LRMDA: variants seen among roughly 807,000 people sequenced by gnomAD.
LRMDA encodes leucine-rich melanocyte differentiation-associated protein.
Under a neutral mutation model 29.8 loss-of-function variants are expected in LRMDA, and 18 were observed. The ratio of observed to expected loss-of-function variants is 0.60; its 90% CI spans 0.42 to 0.90. The LOEUF (loss-of-function observed/expected upper bound fraction) is 0.90, where lower values mean the gene tolerates loss of function less well. Ranked by LOEUF, LRMDA falls within the 40% of genes least tolerant of loss-of-function variation. LRMDA has a pLI of 0.00. For synonymous variants in LRMDA, 125 were observed against 109.4 expected (o/e 1.14, Z -0.89); for missense variants, 273 against 273.9 (o/e 1.00, Z 0.02).
At chr10:76,309,268 T>G (rs1025594457) in intron 5 of LRMDA, among the ~76,000 whole-genome samples, 2 of 152,084 alleles carry the variant, frequency 1.3e-5, no homozygotes, top group Non-Finnish European at 2.9e-5. Flanking sequence ...ACCTTTCTGA[T>G]GAGGGTGTGA....
intron 6 of LRMDA, among the ~76,000 whole-genome samples, chr10:76,395,391 C>T (rs988683381): frequency 6.6e-6 from 1 of 152,132 alleles, no homozygotes; most frequent in Admixed American, 6.6e-5. Context: ...GTTTAGCAGA[C>T]AATTGTAGTC....
chr10:75,776,885 T>C (rs554485575), intron 2 of LRMDA, among the ~76,000 whole-genome samples: 1 of 152,360 alleles, frequency 6.6e-6, no homozygotes, highest in African/African-American at 2.4e-5. Flanking sequence ...CCCTGCTCTT[T>C]GTTGTAGATC....
intron 2 of LRMDA, among the ~76,000 whole-genome samples, chr10:75,536,454 A>G (rs1409050078): frequency 6.6e-6 from 1 of 152,108 alleles, no homozygotes; most frequent in Non-Finnish European, 1.5e-5. Flanking sequence ...CACAGCTCAC[A>G]TGACTCTACT....
intron 6 of LRMDA, among the ~76,000 whole-genome samples, chr10:76,440,344 A>T (rs1842288525): frequency 6.6e-6 from 1 of 152,230 alleles, no homozygotes; most frequent in Non-Finnish European, 1.5e-5. Context: ...AAATGGCCAA[A>T]TAAATAATCT....
chr10:76,402,323 A>T (rs1312159961), intron 6 of LRMDA: 4 of 152,114 alleles, frequency 2.6e-5, no homozygotes, highest in African/African-American at 9.7e-5. Flanking sequence ...GCATTTACTA[A>T]GGTAAGATGA....
At chr10:75,868,771 C>T (rs560710563) in intron 2 of LRMDA, among the ~76,000 whole-genome samples, 14 of 152,166 alleles carry the variant, frequency 9.2e-5, no homozygotes, top group South Asian at 2.1e-4. Flanking sequence ...CAGAAAGCCC[C>T]GCCCTCCTCT....
At chr10:76,363,180 G>GAAAGAAA (rs1841340917) in intron 6 of LRMDA, among the ~76,000 whole-genome samples, 1 of 10,870 alleles carries the variant, frequency 9.2e-5, no homozygotes, top group East Asian at 1.2e-3. Context: ...AAAGAAAGGA[G>GAAAGAAA]GGAGGGAGGG....
intron 6 of LRMDA, among the ~76,000 whole-genome samples, chr10:76,511,438 A>G (rs1313643947): frequency 6.6e-6 from 1 of 152,198 alleles, no homozygotes; most frequent in African/African-American, 2.4e-5. Flanking sequence ...GAAAGCTGTC[A>G]GCAGCCAGAT....
chr10:75,513,535 A>C (rs1179331782), intron 2 of LRMDA, among the ~76,000 whole-genome samples: 1 of 152,140 alleles, frequency 6.6e-6, no homozygotes, highest in African/African-American at 2.4e-5. Context: ...AAAACAATGC[A>C]CAATGTATTC....
At chr10:75,515,713 T>A (rs933548685) in intron 2 of LRMDA, among the ~76,000 whole-genome samples, 7 of 152,256 alleles carry the variant, frequency 4.6e-5, no homozygotes, top group South Asian at 4.1e-4. Context: ...TCTTTTTTTT[T>A]AAATTATACT....
At chr10:76,541,239 G>A (rs554239063) in intron 6 of LRMDA, among the ~76,000 whole-genome samples, 4 of 152,262 alleles carry the variant, frequency 2.6e-5, no homozygotes, top group Middle Eastern at 3.4e-3. Flanking sequence ...GCTGGCTCAC[G>A]CCTGTAATCC....
At chr10:75,999,225 T>G (rs999106952) in intron 2 of LRMDA, among the ~76,000 whole-genome samples, 4 of 152,218 alleles carry the variant, frequency 2.6e-5, no homozygotes, top group Non-Finnish European at 5.9e-5. Flanking sequence ...CTGACAATTT[T>G]GGCACAAGGA....
At chr10:76,488,804 G>C (rs1842806497) in intron 6 of LRMDA, among the ~76,000 whole-genome samples, 1 of 151,848 alleles carries the variant, frequency 6.6e-6, no homozygotes, top group Admixed American at 6.6e-5. Flanking sequence ...ATATTGGTTT[G>C]TGTATGTTGA....
At chr10:76,542,021 G>A (rs1351650856) in intron 6 of LRMDA, among the ~76,000 whole-genome samples, 2 of 151,586 alleles carry the variant, frequency 1.3e-5, no homozygotes, top group Non-Finnish European at 2.9e-5. Flanking sequence ...GCATGTGTGT[G>A]CATGTATACA....
At chr10:76,451,568 G>A (rs1197355151) in intron 6 of LRMDA, among the ~76,000 whole-genome samples, 1 of 151,276 alleles carries the variant, frequency 6.6e-6, no homozygotes, top group Admixed American at 6.6e-5. Context: ...TAGGGAGCCA[G>A]ATATACTTTT....
At position 76,058,916 on chromosome 10, in the gene LRMDA, T is replaced by C; in HGVS notation, c.516+133T>C. 4.2e-6 allele frequency: 3 copies of C among 712,058 alleles called. No homozygotes were observed. In the South Asian group the frequency reaches 4.9e-5, roughly 12 times the overall value. 44.1% of individuals were successfully genotyped at this position (712,058 alleles called of 1,614,324 possible). ...CTCACATGAAGGGTCCTTCCATGGATACATTGTTGGCCAAACATGAAATAG... is the reference window on the plus strand; with the variant it reads ...CTCACATGAAGGGTCCTTCCATGGACACATTGTTGGCCAAACATGAAATAG... On this transcript the variant is annotated intron_variant, in intron 5 of 6. Coordinates refer to ENST00000611255, the MANE Select transcript of LRMDA (RefSeq NM_001305581.2).
chr10:75,931,933 T>C (rs566323568), intron 2 of LRMDA, among the ~76,000 whole-genome samples: 1 of 152,318 alleles, frequency 6.6e-6, no homozygotes, highest in South Asian at 2.1e-4. Context: ...GTCAAAGCTA[T>C]GTTAGGTCAC....
At chr10:75,941,507 G>T (rs1003641708) in intron 2 of LRMDA, among the ~76,000 whole-genome samples, 1 of 152,126 alleles carries the variant, frequency 6.6e-6, no homozygotes, top group Admixed American at 6.6e-5. Flanking sequence ...GCTTGCCCAG[G>T]GGTTCTGTCA....
At chr10:75,582,102 T>C (rs562359299) in intron 2 of LRMDA, among the ~76,000 whole-genome samples, 6 of 152,268 alleles carry the variant, frequency 3.9e-5, no homozygotes, top group African/African-American at 1.4e-4. Context: ...TCTGCAGCTT[T>C]TTCAGGGGCA....
Sources: gnomAD v4.1 joint callset for allele counts (sites outside exome capture counted in the v4.1 genomes callset) on GRCh38, gnomAD v4.1.1 for gene constraint, MANE v1.5 for transcripts, NCBI Gene and HGNC (gene_info 2026-07-23, HGNC 2026-07-21) for gene names.